The following CDH12 variants were observed in gnomAD, a reference collection of about 807,000 sequenced individuals.
The protein encoded by CDH12 is cadherin-12.
In CDH12, 41 loss-of-function variants were observed where a neutral mutation model predicts 74.1. The observed-to-expected ratio is 0.55, with a 90% confidence interval of 0.43 to 0.72. The LOEUF (loss-of-function observed/expected upper bound fraction) is 0.72, where lower values mean the gene tolerates loss of function less well. Among genes scored for constraint, CDH12 ranks in the 30% least tolerant of loss-of-function variants. The pLI, the probability that CDH12 is intolerant of heterozygous loss-of-function variation, is 0.00. For missense variants in CDH12, 945 were observed against 977.2 expected, an observed-to-expected ratio of 0.97 and a Z score of 0.44; for synonymous variants, 399 against 355.0, an observed-to-expected ratio of 1.12 and a Z score of -1.39.
intron 1 of CDH12, among the ~76,000 whole-genome samples, chr5:22,524,769 GT>G (rs1192071183): frequency 6.6e-6 from 1 of 151,944 alleles, no homozygotes; most frequent in Non-Finnish European, 1.5e-5. Context: ...AGTGACACAT[GT>G]CACATCTCAT....
At chr5:22,567,105 T>C (rs10068162) in intron 1 of CDH12, among the ~76,000 whole-genome samples, 19,910 of 152,172 alleles carry the variant, frequency 0.13, 2,106 homozygotes, top group East Asian at 0.36. Context: ...TCGGATGTTT[T>C]AATATACTTG....
At chr5:21,803,054 G>A (rs1301625190) in intron 9 of CDH12, among the ~76,000 whole-genome samples, 1 of 152,012 alleles carries the variant, frequency 6.6e-6, no homozygotes, top group Non-Finnish European at 1.5e-5. Flanking sequence ...GTTCAGGGAA[G>A]CATTTCTCTG....
intron 4 of CDH12, among the ~76,000 whole-genome samples, chr5:22,167,231 G>T (rs1452992837): frequency 1.3e-5 from 2 of 152,236 alleles, no homozygotes; most frequent in East Asian, 1.9e-4. Context: ...GAATCTCTCT[G>T]TTTATATTCT....
chr5:21,854,678 G>C lies in CDH12; in HGVS notation c.639C>G (p.Pro213=), dbSNP rs112146213. ...CTCTAATAAAAAATTTACCTGTCTT[G>C]GGATCAATAGAGAAATAAGGTTGTC... is the stretch of plus-strand genomic sequence containing the variant. The part of the protein sequence containing the change: ...LQGQPYFSID[P]KTGVIRTALP... Residue 213 remains proline (P), a synonymous_variant, in exon 7 of 15, where the codon CCC becomes CCG. Coordinates refer to ENST00000382254, the MANE Select transcript of CDH12 (RefSeq NM_004061.5). 13,223 of 1,605,602 alleles carry C rather than the reference G, an allele frequency of 8.2e-3. 94 individuals carry two copies. The highest frequency in any genetic ancestry group is 0.01 in the Non-Finnish European group (11,765 of 1,174,518).
At chr5:22,846,563 G>T (rs1410042173) in intron 1 of CDH12, among the ~76,000 whole-genome samples, 1 of 152,136 alleles carries the variant, frequency 6.6e-6, no homozygotes, top group Non-Finnish European at 1.5e-5. Context: ...AAAAGCAGAT[G>T]AAAGATTTAA....
At chr5:22,254,547 A>C (rs1753249257) in intron 3 of CDH12, among the ~76,000 whole-genome samples, 1 of 151,820 alleles carries the variant, frequency 6.6e-6, no homozygotes, top group Non-Finnish European at 1.5e-5. Flanking sequence ...ATGCAATGAA[A>C]TATAACTAAT....
chr5:22,488,562 G>A (rs1004353247), intron 2 of CDH12, among the ~76,000 whole-genome samples: 4 of 152,142 alleles, frequency 2.6e-5, no homozygotes, highest in African/African-American at 9.7e-5. Context: ...CTGGGAATGT[G>A]CCTTTCACAT....
intron 6 of CDH12, among the ~76,000 whole-genome samples, chr5:21,922,989 G>C (rs1754428053): frequency 9.6e-6 from 1 of 104,396 alleles, no homozygotes; most frequent in Admixed American, 9.6e-5. Flanking sequence ...TATATATGGA[G>C]AGAAGGAGAG....
intron 3 of CDH12, among the ~76,000 whole-genome samples, chr5:22,249,083 A>AC (rs1348730695): frequency 3.9e-5 from 6 of 152,188 alleles, no homozygotes; most frequent in African/African-American, 1.2e-4. Context: ...TTCTGTGAAT[A>AC]CCCCCCAAAA....
At chr5:22,349,538 T>C (rs978665102) in intron 3 of CDH12, among the ~76,000 whole-genome samples, 4 of 152,218 alleles carry the variant, frequency 2.6e-5, no homozygotes, top group African/African-American at 9.6e-5. Context: ...CTTTCCCAAT[T>C]CGGAATAACA....
intron 1 of CDH12, among the ~76,000 whole-genome samples, chr5:22,784,296 A>G (rs1171401067): frequency 1.3e-5 from 2 of 152,110 alleles, no homozygotes; most frequent in Non-Finnish European, 2.9e-5. Context: ...ACTTCTTTCT[A>G]AAGTTTAGTA....
At chr5:22,517,397 C>CA (rs1736856645) in intron 1 of CDH12, among the ~76,000 whole-genome samples, 1 of 151,998 alleles carries the variant, frequency 6.6e-6, no homozygotes. Context: ...TTATGTTTAT[C>CA]ACTCTGGTAA....
At chr5:22,147,415 CT>C (rs1747259510) in intron 4 of CDH12, among the ~76,000 whole-genome samples, 1 of 151,942 alleles carries the variant, frequency 6.6e-6, no homozygotes, top group South Asian at 2.1e-4. Context: ...GTCACATTTT[CT>C]CTATAAAGAA....
rs1049662391 is a variant in CDH12, at chr5:21,837,182, GAC to G, written c.814+4977_814+4978del. 3.0e-4 allele frequency among the ~76,000 whole-genome samples: 45 copies of G among 152,112 alleles called. 1 individual carries two copies. Among genetic ancestry groups the G allele is most frequent in the African/African-American group, 1.1e-3 (45 of 41,494 alleles). The stretch of plus-strand genomic sequence containing the variant: ...ATGCAACTCACTTTCTGTAGTGCAT[GAC>G]ACACAGTGATTTATTAGTCTAGATC... On this transcript the variant is annotated intron_variant, in intron 8 of 14. Transcript: ENST00000382254.
At chr5:22,666,560 G>A (rs1052456957) in intron 1 of CDH12, among the ~76,000 whole-genome samples, 7 of 151,984 alleles carry the variant, frequency 4.6e-5, no homozygotes, top group Non-Finnish European at 7.4e-5. Context: ...AAAGTGCTGG[G>A]ATTACAGGCT....
rs1209285399 is a variant in CDH12, at chr5:22,078,476, G to A, written c.201C>T (p.Tyr67=). ...VWNQFFVLEE[Y]VGSEPQYVGK... ...CCACATACTGAGGCTCGGAGCCCACGTATTCTTCCAGCACAAAAAATTGAT... is the reference window on the plus strand; with the variant it reads ...CCACATACTGAGGCTCGGAGCCCACATATTCTTCCAGCACAAAAAATTGAT... The change falls in exon 5 of 15, where the codon TAC becomes TAT. Residue 67 remains tyrosine, a synonymous_variant. Coordinates refer to ENST00000382254, the MANE Select transcript of CDH12 (RefSeq NM_004061.5). 8.7e-6 allele frequency: 14 copies of A among 1,613,790 alleles called. No individual in the cohort carries two copies. The highest frequency in any genetic ancestry group is 1.7e-5 in the Admixed American group (1 of 59,974).
intron 1 of CDH12, among the ~76,000 whole-genome samples, chr5:22,834,591 T>C (rs1235041115): frequency 6.6e-6 from 1 of 152,100 alleles, no homozygotes; most frequent in East Asian, 1.9e-4. Flanking sequence ...ATAAATGAGG[T>C]TACACTTATT....
intron 5 of CDH12, among the ~76,000 whole-genome samples, chr5:22,041,757 CAG>C (rs1227609303): frequency 1.3e-5 from 2 of 152,028 alleles, no homozygotes; most frequent in East Asian, 3.9e-4. Flanking sequence ...AACAATCAGA[CAG>C]AGAAGTAATG....
intron 8 of CDH12, among the ~76,000 whole-genome samples, chr5:21,828,728 G>A (rs1748823210): frequency 6.6e-6 from 1 of 151,570 alleles, no homozygotes; most frequent in Non-Finnish European, 1.5e-5. Flanking sequence ...TGTCATCCCT[G>A]TTTTGTTGCT....
Sources: gnomAD v4.1 joint callset for allele counts (sites outside exome capture counted in the v4.1 genomes callset) on GRCh38, gnomAD v4.1.1 for gene constraint, MANE v1.5 for transcripts, NCBI Gene and HGNC (gene_info 2026-07-23, HGNC 2026-07-21) for gene names.